RGS6: variants seen among roughly 807,000 people sequenced by gnomAD.
RGS6 encodes regulator of G protein signaling 6, also known as regulator of G-protein signaling 6.
In RGS6, 30 loss-of-function variants were observed where a neutral mutation model predicts 78.5. The ratio of observed to expected loss-of-function variants is 0.38; its 90% CI spans 0.29 to 0.52. The LOEUF is 0.52. Ranked by LOEUF, RGS6 falls within the 20% of genes least tolerant of loss-of-function variation. The pLI, the probability that RGS6 is intolerant of heterozygous loss-of-function variation, is 0.85. For synonymous variants in RGS6, 206 were observed against 206.0 expected, an observed-to-expected ratio of 1.00 and a Z score of 0.00; for missense variants, 495 against 609.7, an observed-to-expected ratio of 0.81 and a Z score of 1.98.
In RGS6 at chr14:71,964,831, G is replaced by T; in HGVS notation, c.40G>T (p.Ala14Ser). Residue 14 changes from alanine to serine, a missense_variant, in exon 2 of 18, where the codon GCT becomes TCT. Transcript: ENST00000553525. ...GSGDQRAVGV[A>S]DPEESSPNMI... is the part of the protein sequence containing the mutation. The stretch of plus-strand genomic sequence containing the variant: ...CGGGGATCAAAGAGCAGTGGGGGTT[G>T]CTGACCCAGAGGAGAGTTCTCCAAA... 1 of 1,613,824 alleles carries T rather than the reference G, an allele frequency of 6.2e-7. No individual in the cohort carries two copies. Among genetic ancestry groups the T allele is most frequent in the Non-Finnish European group, 8.5e-7 (1 of 1,179,930 alleles).
chr14:72,474,611 T>C lies in RGS6; in HGVS notation c.619-14T>C. 6.3e-7 allele frequency: 1 copy of C among 1,594,252 alleles called. No homozygotes were observed. The highest frequency in any genetic ancestry group is 1.4e-5 in the African/African-American group (1 of 73,412). ...TCACGTAGTAATTTATATGATGTGT[T>C]TTTTTTTTCTCAGCCAGGCTGTGTG... On this transcript the variant is annotated splice_polypyrimidine_tract_variant and intron_variant, in intron 9 of 17. Coordinates refer to ENST00000553525, the MANE Select transcript of RGS6 (RefSeq NM_001204424.2).
chr14:72,299,949 T>A (rs1398149756), intron 2 of RGS6, among the ~76,000 whole-genome samples: 1 of 152,198 alleles, frequency 6.6e-6, no homozygotes, highest in Non-Finnish European at 1.5e-5. Context: ...GTGCCGACTT[T>A]TGGTTTTATC....
chr14:72,024,036 G>A (rs186200807), intron 2 of RGS6, among the ~76,000 whole-genome samples: 18 of 111,382 alleles, frequency 1.6e-4, no homozygotes, highest in African/African-American at 5.8e-4. Context: ...ATTAGATTCT[G>A]CTTTGTACAT....
At chr14:72,473,901 G>A (rs1388062293) in intron 9 of RGS6, 3 of 152,220 alleles carry the variant, frequency 2.0e-5, no homozygotes, top group East Asian at 1.9e-4. Flanking sequence ...TCAGAGAATG[G>A]TGAACAGCAC....
the RGS6 span, chr14:72,620,119 C>T: frequency 3.6e-6 from 3 of 823,212 alleles, no homozygotes; most frequent in Admixed American, 6.1e-5. Context: ...ACTTGGAGTC[C>T]TCACTGTCCC....
At chr14:72,286,508 A>G (rs1454682941) in intron 2 of RGS6, among the ~76,000 whole-genome samples, 16 of 145,176 alleles carry the variant, frequency 1.1e-4, no homozygotes, top group Non-Finnish European at 8.9e-5. Context: ...TTGTGGTTCC[A>G]TGAGAATTTT....
chr14:72,284,432 G>T (rs1469462855), intron 2 of RGS6, among the ~76,000 whole-genome samples: 1 of 152,192 alleles, frequency 6.6e-6, no homozygotes, highest in East Asian at 1.9e-4. Flanking sequence ...TGGCTAAAAG[G>T]GGCCAAGGTA....
chr14:72,329,312 A>G (rs1417993505), intron 2 of RGS6, among the ~76,000 whole-genome samples: 1 of 152,262 alleles, frequency 6.6e-6, no homozygotes, highest in Admixed American at 6.5e-5. Flanking sequence ...TATTGGGTAA[A>G]ATCTTATTGA....
At chr14:72,493,405 A>T (rs1429518791) in intron 12 of RGS6, among the ~76,000 whole-genome samples, 2 of 152,184 alleles carry the variant, frequency 1.3e-5, no homozygotes, top group East Asian at 1.9e-4. Flanking sequence ...CAAAATTAAA[A>T]AATAAATAAA....
chr14:72,213,204 C>T (rs931620252), intron 2 of RGS6, among the ~76,000 whole-genome samples: 6 of 152,120 alleles, frequency 3.9e-5, no homozygotes, highest in African/African-American at 1.4e-4. Flanking sequence ...TAACACTACT[C>T]CTGTATATTT....
At chr14:72,390,574 G>T (rs2089692022) in intron 3 of RGS6, among the ~76,000 whole-genome samples, 1 of 151,630 alleles carries the variant, frequency 6.6e-6, no homozygotes, top group Admixed American at 6.6e-5. Context: ...TGAAAATTTT[G>T]GGATACTTTC....
At chr14:71,967,157 T>C (rs2093570114) in intron 2 of RGS6, among the ~76,000 whole-genome samples, 2 of 150,146 alleles carry the variant, frequency 1.3e-5, no homozygotes, top group Admixed American at 6.7e-5. Context: ...TGAAACTATA[T>C]CTTACTTTCG....
chr14:71,942,169 G>A (rs1200376991), intron 1 of RGS6, among the ~76,000 whole-genome samples: 1 of 152,068 alleles, frequency 6.6e-6, no homozygotes, highest in African/African-American at 2.4e-5. Context: ...ACTTCAAACT[G>A]CAAAGAAAGC....
At position 72,026,719 on chromosome 14, in the gene RGS6, CTGTT is replaced by C. The variant is rs533208442; in HGVS notation, c.84+61847_84+61850del. Among the ~76,000 whole-genome samples the C allele has an allele frequency of 6.9e-3, 1,044 of 152,348 alleles. 6 individuals carry two copies. The highest frequency in any genetic ancestry group is 0.012 in the Non-Finnish European group (829 of 68,030). The stretch of plus-strand genomic sequence containing the variant: ...CAGCCATCTGTCCTGCTCACAGACA[CTGTT>C]TGGCCAGCATAGCTCTCTTCTGTGA... On this transcript the variant is annotated intron_variant, in intron 2 of 17. Coordinates refer to ENST00000553525, the MANE Select transcript of RGS6 (RefSeq NM_001204424.2).
rs1003260555 is a variant in RGS6 at position 72,279,014 on chromosome 14, T to C, written c.85-73081T>C. The stretch of plus-strand genomic sequence containing the variant: ...TTCACTTATAAGGACACTCATCCTA[T>C]CCGATTGAGACCCTACCTTATCATC... On this transcript the variant is annotated intron_variant, in intron 2 of 17. Coordinates refer to ENST00000553525, the MANE Select transcript of RGS6 (RefSeq NM_001204424.2). Among the ~76,000 whole-genome samples the C allele has an allele frequency of 3.3e-5, 5 of 152,098 alleles. 1 individual carries two copies. The East Asian group carries it at 9.6e-4, about 29-fold the overall frequency.
chr14:71,946,591 T>C (rs2091560011), intron 1 of RGS6, among the ~76,000 whole-genome samples: 1 of 152,088 alleles, frequency 6.6e-6, no homozygotes, highest in Admixed American at 6.5e-5. Context: ...GGCCTATATA[T>C]GGAAAGTTAG....
At chr14:72,244,828 C>CT (rs56904507) in intron 2 of RGS6, among the ~76,000 whole-genome samples, 8,647 of 145,450 alleles carry the variant, frequency 0.059, 358 homozygotes, top group East Asian at 0.28. Context: ...AAAAATTGGT[C>CT]TTTTTTTTTT....
chr14:72,422,833 G>A (rs2094254596), intron 3 of RGS6, among the ~76,000 whole-genome samples: 1 of 152,188 alleles, frequency 6.6e-6, no homozygotes, highest in African/African-American at 2.4e-5. Flanking sequence ...TGAGGATGGA[G>A]GCGGAGATCC....
chr14:72,141,148 T>C (rs1355727716), intron 2 of RGS6, among the ~76,000 whole-genome samples: 3 of 152,192 alleles, frequency 2.0e-5, no homozygotes, highest in East Asian at 3.8e-4. Flanking sequence ...TCTGTATTAT[T>C]GATCAAAGCC....
Sources: allele counts gnomAD v4.1 joint callset (sites outside exome capture counted in the v4.1 genomes callset), GRCh38; gene constraint gnomAD v4.1.1; transcripts MANE v1.5; gene names NCBI Gene and HGNC (gene_info 2026-07-23, HGNC 2026-07-21).